SEMA3A: variants seen among roughly 807,000 people sequenced by gnomAD.
The protein encoded by SEMA3A is semaphorin-3A.
In SEMA3A, 29 loss-of-function variants were observed where a neutral mutation model predicts 97.9. The observed-to-expected ratio is 0.30, with a 90% confidence interval of 0.22 to 0.40. The LOEUF is 0.40. Ranked by LOEUF, SEMA3A falls within the 10% of genes least tolerant of loss-of-function variation. The pLI, the probability that SEMA3A is intolerant of heterozygous loss-of-function variation, is 1.00. For synonymous variants in SEMA3A, 321 were observed against 323.7 expected (o/e 0.99, Z 0.09); for missense variants, 763 against 951.3 (o/e 0.80, Z 2.60).
At chr7:84,168,037 A>C (rs1007500730) in intron 1 of SEMA3A, among the ~76,000 whole-genome samples, 1 of 152,108 alleles carries the variant, frequency 6.6e-6, no homozygotes, top group Admixed American at 6.5e-5. Flanking sequence ...AGATTATAAA[A>C]CCATATCTCA....
At chr7:84,213,265 T>C (rs144999000) in intron 3 of SEMA3A, among the ~76,000 whole-genome samples, 3,288 of 152,080 alleles carry the variant, frequency 0.022, 38 homozygotes, top group Non-Finnish European at 0.031. Context: ...GCGTGAGCCA[T>C]GGTGCCCGGC....
chr7:84,464,791 T>C (rs1005556443), intron 1 of SEMA3A, among the ~76,000 whole-genome samples: 1 of 152,222 alleles, frequency 6.6e-6, no homozygotes, highest in African/African-American at 2.4e-5. Context: ...CATATTTAGT[T>C]GGTTTTGGAA....
At chr7:84,310,336 G>A (rs1801281773) in intron 2 of SEMA3A, among the ~76,000 whole-genome samples, 1 of 150,980 alleles carries the variant, frequency 6.6e-6, no homozygotes, top group Admixed American at 6.6e-5. Context: ...GCAGGTACCG[G>A]CAGATACAAA....
chr7:84,475,086 CCCCAAGAGTGCCGGGT>C (rs919513847), intron 1 of SEMA3A, among the ~76,000 whole-genome samples: 5 of 152,170 alleles, frequency 3.3e-5, no homozygotes, highest in Non-Finnish European at 5.9e-5. Context: ...CTCCCCCAAC[CCCCAAGAGTGCCGGGT>C]CCCAGGAGTG....
At chr7:84,095,351 T>TTA (rs1794735995) in intron 4 of SEMA3A, among the ~76,000 whole-genome samples, 1 of 29,620 alleles carries the variant, frequency 3.4e-5, no homozygotes, top group African/African-American at 9.8e-5. Context: ...TTTATATTTT[T>TTA]TATATACATA....
intron 4 of SEMA3A, among the ~76,000 whole-genome samples, chr7:84,075,627 T>C (rs1054725751): frequency 2.6e-5 from 4 of 152,134 alleles, no homozygotes; most frequent in East Asian, 3.9e-4. Context: ...CCACTAATTT[T>C]TGTAGTTTCA....
intron 1 of SEMA3A, among the ~76,000 whole-genome samples, chr7:84,484,573 AGAGC>A (rs1289458028): frequency 6.6e-6 from 1 of 151,746 alleles, no homozygotes; most frequent in Non-Finnish European, 1.5e-5. Context: ...ACACACACAG[AGAGC>A]AAGTTTTTAT....
intron 2 of SEMA3A, among the ~76,000 whole-genome samples, chr7:84,338,180 T>A (rs201852536): frequency 2.0e-5 from 3 of 150,866 alleles, no homozygotes; most frequent in South Asian, 2.1e-4. Context: ...TATATATATA[T>A]AAATAAAATA....
intron 1 of SEMA3A, among the ~76,000 whole-genome samples, chr7:84,187,158 C>G (rs1797910910): frequency 6.6e-6 from 1 of 152,172 alleles, no homozygotes. Flanking sequence ...AGAGCCAAGT[C>G]TGGATTCTCC....
chr7:84,171,887 GAATAAC>G (rs1797393512), intron 1 of SEMA3A, among the ~76,000 whole-genome samples: 1 of 152,040 alleles, frequency 6.6e-6, no homozygotes, highest in Non-Finnish European at 1.5e-5. Flanking sequence ...TGTGTCATGA[GAATAAC>G]AATTCAAACC....
In SEMA3A at chr7:84,376,377, C is replaced by T. The variant is rs989599340; in HGVS notation, c.-245-4477G>A. Among the ~76,000 whole-genome samples the T allele has an allele frequency of 9.1e-4, 105 of 115,238 alleles. 13 individuals are homozygous for T. The highest frequency in any genetic ancestry group is 4.5e-3 in the Admixed American group (48 of 10,614). The allele number at this position is 115,238 out of a possible 152,430, so 75.6% of individuals were successfully genotyped here. ...CAGCACTTTGGGAGGCCAAGGCGGG[C>T]GGATCACGAGGTCAGGAGATCGAGA... On this transcript the variant is annotated intron_variant, in intron 1 of 3. Transcript: ENST00000424555.
intron 3 of SEMA3A, among the ~76,000 whole-genome samples, chr7:84,280,082 A>G (rs1027601012): frequency 2.0e-5 from 3 of 151,842 alleles, no homozygotes; most frequent in African/African-American, 7.3e-5. Flanking sequence ...ATTTTTTTGG[A>G]GAGAGGAGGT....
intron 1 of SEMA3A, among the ~76,000 whole-genome samples, chr7:84,148,968 A>C (rs1013861843): frequency 3.9e-5 from 6 of 152,182 alleles, no homozygotes; most frequent in Non-Finnish European, 7.3e-5. Context: ...GGTCAACAGA[A>C]GGCTGTTAGT....
intron 2 of SEMA3A, among the ~76,000 whole-genome samples, chr7:84,132,427 T>C (rs188837064): frequency 1.3e-5 from 2 of 152,128 alleles, no homozygotes; most frequent in Admixed American, 6.5e-5. Flanking sequence ...AATTTGATTA[T>C]TTTCAGTTTT....
chr7:84,461,437 A>T (rs1471836330), intron 1 of SEMA3A, among the ~76,000 whole-genome samples: 1 of 150,732 alleles, frequency 6.6e-6, no homozygotes, highest in African/African-American at 2.4e-5. Flanking sequence ...ATGAATATGT[A>T]TTTTTGATGC....
At chr7:84,051,359 T>A (rs370602209) in intron 5 of SEMA3A, among the ~76,000 whole-genome samples, 9 of 152,066 alleles carry the variant, frequency 5.9e-5, no homozygotes, top group East Asian at 3.9e-4. Context: ...ATGTTCTTCC[T>A]TTTGTTTGTA....
At chr7:84,151,688 G>T (rs891519472) in intron 1 of SEMA3A, among the ~76,000 whole-genome samples, 10 of 152,118 alleles carry the variant, frequency 6.6e-5, no homozygotes, top group Non-Finnish European at 1.0e-4. Context: ...AGACAAAATT[G>T]ACAAATGGGA....
chr7:84,128,153 T>C (rs1795857618), intron 3 of SEMA3A, among the ~76,000 whole-genome samples: 1 of 152,098 alleles, frequency 6.6e-6, no homozygotes. Context: ...ATTGTAGGGA[T>C]TGCTTACTAT....
At chr7:84,423,114 A>G (rs1426294648) in intron 1 of SEMA3A, among the ~76,000 whole-genome samples, 1 of 152,088 alleles carries the variant, frequency 6.6e-6, no homozygotes, top group Non-Finnish European at 1.5e-5. Flanking sequence ...ACCATTGTAC[A>G]ATATTTATTG....
Sources: gnomAD v4.1 joint callset for allele counts (sites outside exome capture counted in the v4.1 genomes callset) on GRCh38, gnomAD v4.1.1 for gene constraint, MANE v1.5 for transcripts, NCBI Gene and HGNC (gene_info 2026-07-23, HGNC 2026-07-21) for gene names.